Variants in INTS7 observed in about 807,000 individuals in gnomAD.
INTS7 encodes chromosome 1 open reading frame 73.
Under a neutral mutation model 109.2 loss-of-function variants are expected in INTS7, and 46 were observed. The ratio of observed to expected loss-of-function variants is 0.42; its 90% CI spans 0.33 to 0.54. INTS7 has a LOEUF of 0.54. INTS7 is among the 20% of genes least tolerant of loss of function. INTS7 has a pLI of 0.07. For missense variants in INTS7, 929 were observed against 1,132.4 expected (o/e 0.82, Z 2.58); for synonymous variants, 412 against 402.9 (o/e 1.02, Z -0.27).
intron 13 of INTS7, among the ~76,000 whole-genome samples, chr1:211,969,390 C>T (rs75503992): frequency 0.011 from 1,629 of 151,816 alleles, 29 homozygotes; most frequent in African/African-American, 0.037. Flanking sequence ...ATCTGAAATT[C>T]CCATCACTGG....
At position 211,968,661 on chromosome 1, in the gene INTS7, A is replaced by G. The variant is rs755865821; in HGVS notation, c.1862T>C (p.Val621Ala). 5 of 1,613,682 alleles carry G rather than the reference A, an allele frequency of 3.1e-6. No individual in the cohort carries two copies. The highest frequency in any genetic ancestry group is 1.6e-4 in the Middle Eastern group (1 of 6,080). ...LNPLSFQCEF[V>A]KLRIDLLQAF... ...TTGTAAAAGGTCAATCCTGAGTTTT[A>G]CAAATTCACACTGAAAGCTTAAAGG... The change falls in exon 14 of 20, where the codon GTA (valine) becomes GCA (alanine). Residue 621 changes from valine to alanine, a missense_variant. Coordinates refer to ENST00000366994, the MANE Select transcript of INTS7 (RefSeq NM_015434.4).
intron 19 of INTS7, among the ~76,000 whole-genome samples, chr1:211,943,422 G>A (rs898560606): frequency 9.2e-5 from 14 of 152,102 alleles, no homozygotes; most frequent in Admixed American, 4.6e-4. Flanking sequence ...AATTCAAAGT[G>A]AAGAGAGAGT....
intron 13 of INTS7, among the ~76,000 whole-genome samples, chr1:211,972,092 T>C (rs890592997): frequency 6.6e-6 from 1 of 152,066 alleles, no homozygotes; most frequent in African/African-American, 2.4e-5. Context: ...TAGGAGACAG[T>C]GTCTTGCTAT....
In INTS7 at chr1:211,978,174, G is replaced by A. The variant is rs79189675; in HGVS notation, c.1470+98C>T. 1,303 of 1,397,654 alleles carry A rather than the reference G, an allele frequency of 9.3e-4. 27 individuals are homozygous for A. In the East Asian group the frequency reaches 0.028, roughly 30 times the overall value. The allele number at this position is 1,397,654 out of a possible 1,614,324, so 86.6% of individuals were successfully genotyped here. Reference sequence around the variant, plus strand: ...ATGAATTTAACCTATTGTTTGTTCTGTTTTTTAAGTAAAGTCAAATAGTAA... The same window carrying A: ...ATGAATTTAACCTATTGTTTGTTCTATTTTTTAAGTAAAGTCAAATAGTAA... On this transcript the variant is annotated intron_variant, in intron 11 of 19. Transcript: ENST00000366994.
chr1:211,940,634 G>C lies in INTS7; in HGVS notation c.*1190C>G, dbSNP rs1662589019. ...TCTATTTTATCATGGTTTTCAACCA[G>C]AATTAAAATAGGAAAAAAGGGGGTT... is the stretch of plus-strand genomic sequence containing the variant. On this transcript the variant is annotated 3_prime_UTR_variant, in exon 20 of 20. Coordinates refer to ENST00000366994, the MANE Select transcript of INTS7 (RefSeq NM_015434.4). 6.6e-6 allele frequency: 1 copy of C among 152,082 alleles called. No homozygotes were observed. The highest frequency in any genetic ancestry group is 2.4e-5 in the African/African-American group (1 of 41,416). 9.4% of individuals were successfully genotyped at this position (152,082 alleles called of 1,614,324 possible).
At chr1:211,961,182 A>AGGG (rs1663608750) in intron 16 of INTS7, among the ~76,000 whole-genome samples, 1 of 152,096 alleles carries the variant, frequency 6.6e-6, no homozygotes, top group Non-Finnish European at 1.5e-5. Context: ...ATCCACGAGA[A>AGGG]CTTCCCCAAC....
chr1:211,973,966 G>A (rs1365663169), intron 13 of INTS7, among the ~76,000 whole-genome samples: 1 of 152,080 alleles, frequency 6.6e-6, no homozygotes, highest in Admixed American at 6.6e-5. Context: ...CTTTCTTCCT[G>A]TATCAGAATT....
chr1:212,034,335 TCA>T (rs1667319989), intron 1 of INTS7, among the ~76,000 whole-genome samples: 1 of 152,144 alleles, frequency 6.6e-6, no homozygotes, highest in African/African-American at 2.4e-5. Context: ...CTAAAAATAT[TCA>T]CAGTTTAAAA....
chr1:211,954,407 C>G (rs1031546225), intron 16 of INTS7, among the ~76,000 whole-genome samples: 4 of 152,040 alleles, frequency 2.6e-5, no homozygotes, highest in Non-Finnish European at 4.4e-5. Flanking sequence ...TTAATTAGAC[C>G]CCATTTGTGA....
At chr1:212,014,338 G>A (rs1666302048) in intron 4 of INTS7, among the ~76,000 whole-genome samples, 1 of 151,626 alleles carries the variant, frequency 6.6e-6, no homozygotes, top group South Asian at 2.1e-4. Flanking sequence ...GGTGGCAGGC[G>A]CCTGTAATCC....
chr1:211,966,736 G>A (rs1341129146), intron 15 of INTS7, among the ~76,000 whole-genome samples: 2 of 152,100 alleles, frequency 1.3e-5, no homozygotes, highest in Non-Finnish European at 2.9e-5. Context: ...CTGTGGGAAG[G>A]GGAAATCAAG....
intron 16 of INTS7, among the ~76,000 whole-genome samples, chr1:211,961,345 A>G (rs556974989): frequency 1.5e-3 from 226 of 152,264 alleles, no homozygotes; most frequent in African/African-American, 5.3e-3. Context: ...GGCCACCTAC[A>G]AAGGGAAGTC....
intron 1 of INTS7, 87 bp from the exon 2 acceptor site, chr1:212,021,299 T>C (rs1666686989): frequency 1.8e-6 from 2 of 1,115,250 alleles, no homozygotes; most frequent in South Asian, 1.6e-5. Flanking sequence ...ATTTACTAGA[T>C]AGTAAAGAAA....
chr1:211,958,815 T>C (rs1663478458), intron 16 of INTS7, among the ~76,000 whole-genome samples: 3 of 152,090 alleles, frequency 2.0e-5, no homozygotes, highest in African/African-American at 4.8e-5. Context: ...ATTGAAATTA[T>C]AGATAGTGTA....
chr1:212,020,330 C>A, intron 2 of INTS7, 62 bp from the exon 3 acceptor site: 1 of 959,972 alleles, frequency 1.0e-6, no homozygotes, highest in East Asian at 2.6e-5. Flanking sequence ...GGAACCAAAG[C>A]AACACTAATA....
At chr1:211,958,558 A>G (rs1366405146) in intron 16 of INTS7, among the ~76,000 whole-genome samples, 4 of 151,998 alleles carry the variant, frequency 2.6e-5, no homozygotes, top group African/African-American at 7.3e-5. Context: ...CTGTGGGTTT[A>G]TATGTTTAAT....
intron 5 of INTS7, among the ~76,000 whole-genome samples, chr1:212,007,843 T>A (rs1414029991): frequency 6.6e-6 from 1 of 152,192 alleles, no homozygotes; most frequent in African/African-American, 2.4e-5. Context: ...AATTATTTCC[T>A]TCAACAACTA....
intron 7 of INTS7, among the ~76,000 whole-genome samples, chr1:212,005,245 AG>A (rs1194260696): frequency 6.6e-6 from 1 of 152,242 alleles, no homozygotes; most frequent in Non-Finnish European, 1.5e-5. Flanking sequence ...ACAAAAACAA[AG>A]CTAAACAGTA....
chr1:212,034,598 C>T (rs1667335428), intron 1 of INTS7, among the ~76,000 whole-genome samples: 1 of 152,212 alleles, frequency 6.6e-6, no homozygotes, highest in Admixed American at 6.5e-5. Flanking sequence ...CCTCCCATAT[C>T]CACATCTAAG....
Sources: gnomAD v4.1 joint callset for allele counts (sites outside exome capture counted in the v4.1 genomes callset) on GRCh38, gnomAD v4.1.1 for gene constraint, MANE v1.5 for transcripts, NCBI Gene and HGNC (gene_info 2026-07-23, HGNC 2026-07-21) for gene names.